The following LYG1 variants were observed in gnomAD, a reference collection of about 807,000 sequenced individuals.
The protein encoded by LYG1 is lysozyme g1, also known as lysozyme g-like protein 1.
LYG1 carries 17 observed loss-of-function variants against 21.7 expected under a neutral mutation model. The ratio of observed to expected loss-of-function variants is 0.78; its 90% CI spans 0.54 to 1.18. The LOEUF (loss-of-function observed/expected upper bound fraction) is 1.18, where lower values mean the gene tolerates loss of function less well. Ranked by LOEUF, LYG1 falls within the 50% of genes most tolerant of loss-of-function variation. The pLI is 0.00. For missense variants in LYG1, 211 were observed against 238.1 expected (o/e 0.89, Z 0.75); for synonymous variants, 81 against 87.4 (o/e 0.93, Z 0.41).
Position 99,295,680 on chromosome 2 carries a change from C to T in LYG1, c.-10G>A, listed in dbSNP as rs2094134121. On this transcript the variant is annotated 5_prime_UTR_variant, in exon 3 of 7. Transcript: ENST00000308528. ...GCCACAATGCAGACATGATGACGAT[C>T]TGGCTCTACGGCTCCTGAAACACTT... 5 of 1,614,136 alleles carry T rather than the reference C, an allele frequency of 3.1e-6. No individual in the cohort carries two copies. Among genetic ancestry groups the T allele is most frequent in the Non-Finnish European group, 4.2e-6 (5 of 1,180,016 alleles).
chr2:99,289,671 C>T (rs1333789571), intron 5 of LYG1, among the ~76,000 whole-genome samples: 2 of 152,024 alleles, frequency 1.3e-5, no homozygotes, highest in Non-Finnish European at 2.9e-5. Context: ...CAGTGCAAAC[C>T]CTCCAAACAG....
intron 3 of LYG1, 75 bp from the exon 4 acceptor site, chr2:99,292,715 A>T (rs369839141): frequency 4.4e-6 from 4 of 913,032 alleles, no homozygotes; most frequent in Non-Finnish European, 7.1e-6. Context: ...ATAAAATTAC[A>T]TTAATAAAAG....
At position 99,291,437 on chromosome 2, in the gene LYG1, A is replaced by G; in HGVS notation, c.149-16T>C. The G allele has an allele frequency of 6.2e-7, 1 of 1,613,380 alleles. No individual in the cohort carries two copies. Among genetic ancestry groups the G allele is most frequent in the Non-Finnish European group, 8.5e-7 (1 of 1,179,618 alleles). On this transcript the variant is annotated splice_polypyrimidine_tract_variant and intron_variant, in intron 4 of 6. Transcript: ENST00000308528. ...GCACGAACTCCTAAACCAAACGCAA[A>G]AGGAATGATGCAGCTTGTTGTGACT...
chr2:99,303,147 G>C (rs11686535), upstream of LYG1, among the ~76,000 whole-genome samples: 56,138 of 151,810 alleles, frequency 0.37, 11,170 homozygotes, highest in East Asian at 0.63. Context: ...CTCTGGGAGG[G>C]GAGTGTGAGA....
chr2:99,302,624 A>G (rs534107807), upstream of LYG1, among the ~76,000 whole-genome samples: 1 of 152,320 alleles, frequency 6.6e-6, no homozygotes, highest in East Asian at 1.9e-4. Context: ...GGTATTCAGT[A>G]CATGTTTACG....
At chr2:99,288,885 A>G (rs1046199444) in intron 5 of LYG1, among the ~76,000 whole-genome samples, 1 of 152,134 alleles carries the variant, frequency 6.6e-6, no homozygotes, top group African/African-American at 2.4e-5. Context: ...TTTGTAACCG[A>G]AACTATGTCT....
In LYG1 at chr2:99,291,320, C is replaced by G; in HGVS notation, c.250G>C (p.Ala84Pro). Residue 84 changes from alanine to proline, a missense_variant, in exon 5 of 7, where the codon GCC (alanine) becomes CCC (proline). Physicochemically the swap from Ala to Pro is conservative, Grantham distance 27. Transcript: ENST00000308528. Reference sequence around the variant, plus strand: ...CTGGACAAGACACCAGCGATCACGGCAGGATCCATGCAGTACTTTTGGCCA... The same window carrying G: ...CTGGACAAGACACCAGCGATCACGGGAGGATCCATGCAGTACTTTTGGCCA... ...TIGQKYCMDP[A>P]VIAGVLSRKS... The G allele has an allele frequency of 1.9e-6, 3 of 1,613,536 alleles. No individual in the cohort carries two copies. Among genetic ancestry groups the G allele is most frequent in the Non-Finnish European group, 2.5e-6 (3 of 1,179,644 alleles).
upstream of LYG1, among the ~76,000 whole-genome samples, chr2:99,303,791 G>T (rs1209322156): frequency 6.6e-6 from 1 of 152,164 alleles, no homozygotes; most frequent in Admixed American, 6.5e-5. Context: ...GAGGGACACA[G>T]TGGGAGACAA....
upstream of LYG1, among the ~76,000 whole-genome samples, chr2:99,304,459 C>CT (rs2094161642): frequency 6.6e-6 from 1 of 152,266 alleles, no homozygotes; most frequent in African/African-American, 2.4e-5. Context: ...TCAGGTATGT[C>CT]TTTATCAGCA....
At chr2:99,303,227 T>C (rs1350706457), upstream of LYG1, among the ~76,000 whole-genome samples, 1 of 151,960 alleles carries the variant, frequency 6.6e-6, no homozygotes, top group Non-Finnish European at 1.5e-5. Context: ...TTAAAAACTC[T>C]ATCCTGACCC....
chr2:99,299,836 C>T (rs1414704355), intron 1 of LYG1, among the ~76,000 whole-genome samples: 1 of 149,110 alleles, frequency 6.7e-6, no homozygotes, highest in Non-Finnish European at 1.5e-5. Context: ...TTTTAAATTT[C>T]TTAAAGGCCT....
chr2:99,292,013 G>A lies in LYG1; in HGVS notation c.148+523C>T, dbSNP rs1324171565. ...GTTTAAAAAGCACCCTCGGCCGGGC[G>A]CAGTGGCTCACACCTGTAATCCCAG... On this transcript the variant is annotated intron_variant, in intron 4 of 6. Coordinates refer to ENST00000308528, the MANE Select transcript of LYG1 (RefSeq NM_174898.3). Among the ~76,000 whole-genome samples the A allele has an allele frequency of 2.6e-5, 4 of 152,244 alleles. No homozygotes were observed. In the East Asian group the frequency reaches 7.7e-4, roughly 29 times the overall value.
chr2:99,289,455 TA>T (rs5832870), intron 5 of LYG1, among the ~76,000 whole-genome samples: 28 of 146,542 alleles, frequency 1.9e-4, no homozygotes, highest in South Asian at 2.2e-4. Context: ...GACCCTGTCT[TA>T]AAAAAAAAAA....
chr2:99,298,107 G>A (rs1410247095), intron 2 of LYG1, among the ~76,000 whole-genome samples: 3 of 152,200 alleles, frequency 2.0e-5, no homozygotes, highest in Non-Finnish European at 2.9e-5. Context: ...TACAAGTGAC[G>A]AAAAGTACTC....
At chr2:99,289,840 T>TTTG (rs55751852) in intron 5 of LYG1, among the ~76,000 whole-genome samples, 29,722 of 150,658 alleles carry the variant, frequency 0.2, 3,076 homozygotes, top group Admixed American at 0.26. Context: ...AATTCTCTTG[T>TTTG]TTGTTGTTGT....
At chr2:99,292,009 G>A (rs910102612) in intron 4 of LYG1, among the ~76,000 whole-genome samples, 5 of 152,070 alleles carry the variant, frequency 3.3e-5, no homozygotes, top group African/African-American at 9.7e-5. Flanking sequence ...ACCCTCGGCC[G>A]GGCGCAGTGG....
intron 2 of LYG1, among the ~76,000 whole-genome samples, 158 bp downstream of exon 2, chr2:99,298,301 C>T (rs1331044561): frequency 6.6e-6 from 1 of 152,190 alleles, no homozygotes; most frequent in Non-Finnish European, 1.5e-5. Flanking sequence ...TCCCTCTTCT[C>T]CCTTCCCAGA....
At chr2:99,286,708 AT>A in intron 5 of LYG1, among the ~76,000 whole-genome samples, 1 of 152,314 alleles carries the variant, frequency 6.6e-6, no homozygotes, top group East Asian at 1.9e-4. Context: ...GTCTCAAAAA[AT>A]AAAACAAATT....
intron 5 of LYG1, among the ~76,000 whole-genome samples, chr2:99,288,558 C>G (rs1217299513): frequency 6.6e-6 from 1 of 151,862 alleles, no homozygotes. Context: ...TTACTCTTGT[C>G]TTAACTATTA....
Sources: allele counts gnomAD v4.1 joint callset (sites outside exome capture counted in the v4.1 genomes callset), GRCh38; gene constraint gnomAD v4.1.1; transcripts MANE v1.5; gene names NCBI Gene and HGNC (gene_info 2026-07-23, HGNC 2026-07-21).